EYS: variants seen among roughly 807,000 people sequenced by gnomAD.
The protein encoded by EYS is protein eyes shut homolog.
A neutral mutation model predicts 282.1 loss-of-function variants in EYS; 250 were observed. The ratio of observed to expected loss-of-function variants is 0.89; its 90% CI spans 0.80 to 0.98. The LOEUF is 0.98. Among genes scored for constraint, EYS ranks in the 50% least tolerant of loss-of-function variants. The probability of loss-of-function intolerance (pLI) is 0.00; values close to 1 mark genes in which losing one functional copy is unlikely to be tolerated. For synonymous variants in EYS, 1,355 were observed against 1,282.9 expected, an observed-to-expected ratio of 1.06 and a Z score of -1.20; for missense variants, 4,016 against 3,709.0, an observed-to-expected ratio of 1.08 and a Z score of -2.15.
At chr6:64,441,856 T>C (rs1396310323) in intron 26 of EYS, among the ~76,000 whole-genome samples, 1 of 152,208 alleles carries the variant, frequency 6.6e-6, no homozygotes, top group Non-Finnish European at 1.5e-5. Context: ...GTAAGTCCAA[T>C]AAACCTCTTT....
intron 2 of EYS, among the ~76,000 whole-genome samples, chr6:65,506,764 A>G (rs1766675817): frequency 6.6e-6 from 1 of 151,468 alleles, no homozygotes; most frequent in African/African-American, 2.4e-5. Flanking sequence ...GAGCCATCAC[A>G]CCCAGTCACA....
At chr6:64,830,939 T>C (rs971533281) in intron 19 of EYS, among the ~76,000 whole-genome samples, 1 of 151,980 alleles carries the variant, frequency 6.6e-6, no homozygotes, top group African/African-American at 2.4e-5. Context: ...TGCCCAAGTT[T>C]GGGCCTCCCC....
intron 22 of EYS, among the ~76,000 whole-genome samples, chr6:64,779,939 G>A (rs1773807485): frequency 6.6e-6 from 1 of 152,168 alleles, no homozygotes; most frequent in Non-Finnish European, 1.5e-5. Context: ...CACCATAAAT[G>A]CTAACTTATA....
intron 27 of EYS, among the ~76,000 whole-genome samples, chr6:64,437,185 T>TAGG (rs1377129959): frequency 6.6e-6 from 1 of 151,708 alleles, no homozygotes; most frequent in Non-Finnish European, 1.5e-5. Context: ...TAAGAAGCAT[T>TAGG]AGGAGGAATT....
chr6:64,562,043 C>T (rs1582896787), intron 26 of EYS, among the ~76,000 whole-genome samples: 1 of 151,310 alleles, frequency 6.6e-6, no homozygotes, highest in South Asian at 2.1e-4. Flanking sequence ...AGTGCAAAAA[C>T]AGGCACATAG....
rs2150302920 is a variant in EYS, at chr6:64,164,392, T to C, written c.6424+66200A>G. Among the ~76,000 whole-genome samples, 3 of 152,138 alleles carry C rather than the reference T, an allele frequency of 2.0e-5. No homozygotes were observed. The East Asian group carries it at 5.8e-4, about 29-fold the overall frequency. ...TTTAGATCTTGACCCCTAACATCCC[T>C]CTAAAAATTGTAATATTTGTTGAAA... On this transcript the variant is annotated intron_variant, in intron 31 of 42. Transcript: ENST00000503581.
At position 64,290,023 on chromosome 6, in the gene EYS, C is replaced by A. The variant is rs1446573123; in HGVS notation, c.6191+16947G>T. Among the ~76,000 whole-genome samples the A allele has an allele frequency of 2.0e-5, 3 of 152,158 alleles. No individual in the cohort carries two copies. In the East Asian group the frequency reaches 5.8e-4, roughly 29 times the overall value. Reference sequence around the variant, plus strand: ...TAAAGGCACTATCTACTGTACCAAGCAGTGTCTGTTGTATAGCTGAATGCC... The same window carrying A: ...TAAAGGCACTATCTACTGTACCAAGAAGTGTCTGTTGTATAGCTGAATGCC... On this transcript the variant is annotated intron_variant, in intron 30 of 42. Coordinates refer to ENST00000503581, the MANE Select transcript of EYS (RefSeq NM_001142800.2).
rs1491588984 is a variant in EYS at position 64,670,448 on chromosome 6, A to AATAAATG, written c.3444-44204_3444-44203insCATTTAT. Among the ~76,000 whole-genome samples, 223 of 89,622 alleles carry AATAAATG rather than the reference A, an allele frequency of 2.5e-3. No individual in the cohort carries two copies. In the East Asian group the frequency reaches 0.033, roughly 13 times the overall value. 58.8% of individuals were successfully genotyped at this position (89,622 alleles called of 152,430 possible). On this transcript the variant is annotated intron_variant, in intron 22 of 42. Coordinates refer to ENST00000503581, the MANE Select transcript of EYS (RefSeq NM_001142800.2). Reference sequence around the variant, plus strand: ...AAATAAATAAATAAATAAATAAATGAAAAAAAAACGTTAATAGCACTAGAA... The same window carrying AATAAATG: ...AAATAAATAAATAAATAAATAAATGAATAAATGAAAAAAAACGTTAATAGCACTAGAA...
intron 12 of EYS, among the ~76,000 whole-genome samples, chr6:65,211,154 G>A (rs1409919839): frequency 6.6e-6 from 1 of 152,012 alleles, no homozygotes; most frequent in African/African-American, 2.4e-5. Flanking sequence ...TCTTACAGAT[G>A]GGAGAATAGG....
At chr6:64,651,615 A>C (rs2149878752) in intron 22 of EYS, among the ~76,000 whole-genome samples, 1 of 152,310 alleles carries the variant, frequency 6.6e-6, no homozygotes, top group East Asian at 1.9e-4. Flanking sequence ...CCCGGGAGGC[A>C]GAGGTTGCCA....
chr6:63,961,364 G>A (rs560656375), intron 35 of EYS, among the ~76,000 whole-genome samples: 1 of 151,204 alleles, frequency 6.6e-6, no homozygotes, highest in Non-Finnish European at 1.5e-5. Context: ...CTTTAACTGA[G>A]CGATTAACCT....
chr6:64,315,898 C>A (rs1769939345), intron 29 of EYS, among the ~76,000 whole-genome samples: 1 of 152,296 alleles, frequency 6.6e-6, no homozygotes, highest in Middle Eastern at 3.4e-3. Flanking sequence ...CCCTGGGATA[C>A]AAGGCTGGTT....
intron 22 of EYS, among the ~76,000 whole-genome samples, chr6:64,720,450 A>G (rs9345417): frequency 0.96 from 146,345 of 152,236 alleles, 70,529 homozygotes; most frequent in Non-Finnish European, 1. Context: ...ATTAGGATTT[A>G]GACATTTTGG....
intron 35 of EYS, among the ~76,000 whole-genome samples, chr6:63,908,252 A>C (rs1022608245): frequency 1.3e-5 from 2 of 151,284 alleles, no homozygotes; most frequent in Non-Finnish European, 2.9e-5. Context: ...GCAAATTAAA[A>C]CCACACGAGA....
intron 11 of EYS, among the ~76,000 whole-genome samples, chr6:65,323,888 A>T (rs1769545144): frequency 6.6e-6 from 1 of 151,414 alleles, no homozygotes; most frequent in African/African-American, 2.4e-5. Context: ...TCAGGGTAAA[A>T]TCCAGAGCAT....
At chr6:64,867,029 G>A (rs2150051723) in intron 19 of EYS, among the ~76,000 whole-genome samples, 1 of 151,770 alleles carries the variant, frequency 6.6e-6, no homozygotes, top group South Asian at 2.1e-4. Context: ...AACTTTTAAA[G>A]GGAGAAAATA....
intron 12 of EYS, among the ~76,000 whole-genome samples, chr6:65,217,272 A>C (rs1273560879): frequency 6.6e-6 from 1 of 152,112 alleles, no homozygotes; most frequent in Non-Finnish European, 1.5e-5. Context: ...TAACCTGAAT[A>C]AATTTAAGAC....
intron 28 of EYS, among the ~76,000 whole-genome samples, chr6:64,408,403 T>C (rs1435042294): frequency 6.6e-6 from 1 of 152,102 alleles, no homozygotes; most frequent in Non-Finnish European, 1.5e-5. Context: ...AAGAACAACA[T>C]GAAGGACAAT....
chr6:65,306,607 C>T (rs562987042), intron 11 of EYS, among the ~76,000 whole-genome samples: 2 of 151,102 alleles, frequency 1.3e-5, no homozygotes, highest in African/African-American at 4.9e-5. Flanking sequence ...GAACCATTTG[C>T]CCTTACAGAA....
Sources: gnomAD v4.1 joint callset for allele counts (sites outside exome capture counted in the v4.1 genomes callset) on GRCh38, gnomAD v4.1.1 for gene constraint, MANE v1.5 for transcripts, NCBI Gene and HGNC (gene_info 2026-07-23, HGNC 2026-07-21) for gene names.